The following MDGA2 variants were observed in gnomAD, a reference collection of about 807,000 sequenced individuals.
MDGA2 encodes the protein MAM domain containing glycosylphosphatidylinositol anchor 2.
MDGA2 carries 40 observed loss-of-function variants against 117.8 expected under a neutral mutation model. The ratio of observed to expected loss-of-function variants is 0.34; its 90% CI spans 0.26 to 0.44. The LOEUF (loss-of-function observed/expected upper bound fraction) is 0.44, where lower values mean the gene tolerates loss of function less well. Ranked by LOEUF, MDGA2 falls within the 20% of genes least tolerant of loss-of-function variation. The pLI is 1.00. For missense variants in MDGA2, 1,123 were observed against 1,250.6 expected, an observed-to-expected ratio of 0.90 and a Z score of 1.54; for synonymous variants, 452 against 439.0, an observed-to-expected ratio of 1.03 and a Z score of -0.37.
In MDGA2 at chr14:46,874,084, T is replaced by G; in HGVS notation, c.2554A>C (p.Asn852His). 6.4e-7 allele frequency: 1 copy of G among 1,560,752 alleles called. No homozygotes were observed. Among genetic ancestry groups the G allele is most frequent in the Non-Finnish European group, 8.7e-7 (1 of 1,155,892 alleles). ...CTACGGTCAGCATTAGGTCCTGTAT[T>G]AGGAGTATATTTTGTATTTCTTGTT... ...TATRNTKYTP[N>H]TGPNADRSGS... is the part of the protein sequence containing the mutation. Residue 852 changes from asparagine to histidine, a missense_variant, in exon 13 of 17, where the codon AAT becomes CAT. This residue lies in a region of MDGA2 where 890 missense variants were observed against 1,050.3 expected (regional missense o/e 0.85). Transcript: ENST00000399232.
At chr14:47,212,064 T>G in intron 3 of MDGA2, among the ~76,000 whole-genome samples, 1 of 152,274 alleles carries the variant, frequency 6.6e-6, no homozygotes, top group Non-Finnish European at 1.5e-5. Context: ...TCAAAGTTAT[T>G]TTTTAAAATA....
At chr14:47,606,329 T>C (rs923127256) in intron 1 of MDGA2, among the ~76,000 whole-genome samples, 2 of 152,228 alleles carry the variant, frequency 1.3e-5, no homozygotes, top group Non-Finnish European at 2.9e-5. Context: ...ATTTGGAATC[T>C]CTTGCTTTTC....
intron 6 of MDGA2, among the ~76,000 whole-genome samples, chr14:47,071,067 A>C (rs774105854): frequency 1.3e-5 from 2 of 152,222 alleles, no homozygotes; most frequent in Non-Finnish European, 2.9e-5. Flanking sequence ...CACAACATTA[A>C]ATTTAGTCAT....
Position 46,842,005 on chromosome 14 carries a change from C to G in MDGA2, c.3004G>C (p.Ala1002Pro). The G allele has an allele frequency of 6.2e-7, 1 of 1,610,572 alleles. No individual in the cohort carries two copies. Among genetic ancestry groups the G allele is most frequent in the Non-Finnish European group, 8.5e-7 (1 of 1,177,552 alleles). The change falls in exon 17 of 17, where the codon GCT becomes CCT. Residue 1002 changes from alanine to proline, a missense_variant. Physicochemically the swap from Ala to Pro is conservative, Grantham distance 27. Coordinates refer to ENST00000399232, the MANE Select transcript of MDGA2 (RefSeq NM_001113498.3). ...CATATATGAACCAAAATCCCAACAG[C>G]ACCATCAACGGAATCTAAAGATAAG... ...DLATKNSVDG[A>P]VGILVHIWLF...
chr14:46,999,294 A>G (rs1006366198), intron 8 of MDGA2, among the ~76,000 whole-genome samples: 1 of 152,104 alleles, frequency 6.6e-6, no homozygotes, highest in Non-Finnish European at 1.5e-5. Flanking sequence ...ATTTAAAAAA[A>G]AATCTTTTTT....
intron 1 of MDGA2, among the ~76,000 whole-genome samples, chr14:47,630,737 T>G (rs886304006): frequency 1.3e-5 from 2 of 152,178 alleles, no homozygotes; most frequent in African/African-American, 4.8e-5. Context: ...TGCATTCCAA[T>G]GAAGTCAATA....
intron 3 of MDGA2, among the ~76,000 whole-genome samples, chr14:47,158,396 G>GTGTGTA (rs1415852634): frequency 1.3e-5 from 2 of 150,400 alleles, no homozygotes; most frequent in Admixed American, 1.3e-4. Context: ...GTGTGTGTGT[G>GTGTGTA]TGTTCATGTA....
At chr14:47,370,981 T>C (rs1281844915) in intron 1 of MDGA2, among the ~76,000 whole-genome samples, 6 of 151,870 alleles carry the variant, frequency 4.0e-5, no homozygotes, top group East Asian at 1.9e-4. Context: ...ACCTAGTTGA[T>C]AGCACAAAAG....
Position 47,451,517 on chromosome 14 carries a change from C to T in MDGA2, c.281-149967G>A, listed in dbSNP as rs551494095. Among the ~76,000 whole-genome samples the T allele has an allele frequency of 2.8e-4, 42 of 152,182 alleles. No individual in the cohort carries two copies. The South Asian group carries it at 6.0e-3, about 22-fold the overall frequency. ...ATGTGGAACTGACTGCTAAAGCTTC[C>T]TTCTAATCTTAACATAAACTAAAGG... On this transcript the variant is annotated intron_variant, in intron 1 of 16. Coordinates refer to ENST00000399232, the MANE Select transcript of MDGA2 (RefSeq NM_001113498.3).
Position 46,957,782 on chromosome 14 carries a change from A to G in MDGA2, c.1820-139T>C. 4 of 947,204 alleles carry G rather than the reference A, an allele frequency of 4.2e-6. No homozygotes were observed. The South Asian group carries it at 5.2e-5, about 12-fold the overall frequency. The allele number at this position is 947,204 out of a possible 1,614,324, so 58.7% of individuals were successfully genotyped here. A position where few individuals can be genotyped will look rare whatever the true frequency, so the allele number is the denominator to read the frequency against. ...TAGGAGGTGAATGAAGAACATATTT[A>G]AGCCCAGAAATTTTAGCTTGGGTTG... On this transcript the variant is annotated intron_variant, in intron 8 of 16. Coordinates refer to ENST00000399232, the MANE Select transcript of MDGA2 (RefSeq NM_001113498.3).
intron 7 of MDGA2, among the ~76,000 whole-genome samples, chr14:47,043,356 A>G (rs1270519107): frequency 6.6e-6 from 1 of 152,126 alleles, no homozygotes; most frequent in African/African-American, 2.4e-5. Context: ...TTAGTATATA[A>G]AAATATGAAG....
At chr14:47,048,850 GCATGATT>G (rs1566592359) in intron 7 of MDGA2, among the ~76,000 whole-genome samples, 2 of 152,010 alleles carry the variant, frequency 1.3e-5, no homozygotes, top group African/African-American at 4.8e-5. Flanking sequence ...TTCTACTGAA[GCATGATT>G]GCATTCTACA....
intron 1 of MDGA2, among the ~76,000 whole-genome samples, chr14:47,556,565 T>C (rs894808611): frequency 3.3e-5 from 5 of 152,236 alleles, no homozygotes; most frequent in African/African-American, 1.2e-4. Context: ...AACTAGATTA[T>C]GTAAGTTTGG....
At chr14:47,340,232 T>A (rs1045830711) in intron 1 of MDGA2, among the ~76,000 whole-genome samples, 1 of 152,064 alleles carries the variant, frequency 6.6e-6, no homozygotes, top group African/African-American at 2.4e-5. Flanking sequence ...CAGGATATAC[T>A]CAATTGGAAT....
chr14:47,653,059 G>C (rs1897673865), intron 1 of MDGA2, among the ~76,000 whole-genome samples: 1 of 148,380 alleles, frequency 6.7e-6, no homozygotes, highest in Admixed American at 6.7e-5. Context: ...GCCACTGGTG[G>C]ATATGAGTGC....
chr14:46,865,067 T>C (rs1373662857), intron 14 of MDGA2, among the ~76,000 whole-genome samples: 1 of 152,124 alleles, frequency 6.6e-6, no homozygotes, highest in Non-Finnish European at 1.5e-5. Context: ...AGAATATATT[T>C]GATATGTAAG....
At chr14:47,432,864 A>G (rs1436550724) in intron 1 of MDGA2, among the ~76,000 whole-genome samples, 3 of 152,072 alleles carry the variant, frequency 2.0e-5, no homozygotes, top group Admixed American at 2.0e-4. Context: ...TAGAGTTTTG[A>G]AGAAGAATAA....
At chr14:47,154,410 C>A (rs951351796) in intron 3 of MDGA2, among the ~76,000 whole-genome samples, 1 of 152,288 alleles carries the variant, frequency 6.6e-6, no homozygotes, top group Non-Finnish European at 1.5e-5. Flanking sequence ...TTCCTGCCCC[C>A]TTCCAAGTTG....
At chr14:47,567,180 C>T (rs1176846680) in intron 1 of MDGA2, among the ~76,000 whole-genome samples, 3 of 151,942 alleles carry the variant, frequency 2.0e-5, no homozygotes, top group African/African-American at 7.3e-5. Flanking sequence ...GGACTATAGG[C>T]CTGAGTCATC....
Sources: allele counts gnomAD v4.1 joint callset (sites outside exome capture counted in the v4.1 genomes callset), GRCh38; gene constraint gnomAD v4.1.1; regional missense constraint gnomAD v4.1.1; transcripts MANE v1.5; gene names NCBI Gene and HGNC (gene_info 2026-07-23, HGNC 2026-07-21).